The following HCK variants were observed in gnomAD, a reference collection of about 807,000 sequenced individuals.
The protein encoded by HCK is HCK proto-oncogene, Src family tyrosine kinase.
A neutral mutation model predicts 70.4 loss-of-function variants in HCK; 40 were observed. The observed-to-expected ratio is 0.57, with a 90% CI of 0.44 to 0.74. The LOEUF (loss-of-function observed/expected upper bound fraction) is 0.74. HCK is among the 30% of genes least tolerant of loss of function. The pLI, the probability that HCK is intolerant of heterozygous loss-of-function variation, is 0.00. For missense variants in HCK, 568 were observed against 697.2 expected (o/e 0.81, Z 2.09); for synonymous variants, 245 against 263.2 (o/e 0.93, Z 0.67).
At chr20:32,069,347 G>A (rs761611372) in intron 1 of HCK, among the ~76,000 whole-genome samples, 9 of 152,182 alleles carry the variant, frequency 5.9e-5, no homozygotes, top group Non-Finnish European at 7.3e-5. Flanking sequence ...GGTGCTCAAC[G>A]CGCATGGATT....
chr20:32,064,237 A>C (rs999480120), intron 1 of HCK, among the ~76,000 whole-genome samples: 1 of 151,578 alleles, frequency 6.6e-6, no homozygotes, highest in Non-Finnish European at 1.5e-5. Context: ...CTGGTGATCC[A>C]CCTGCCTCTG....
chr20:32,101,258 C>A, intron 12 of HCK, 59 bp from the exon 13 acceptor site: 1 of 1,509,412 alleles, frequency 6.6e-7, no homozygotes, highest in Non-Finnish European at 9.1e-7. Flanking sequence ...CAGGGCCTGC[C>A]ACCCCTGGGC....
Position 32,101,694 on chromosome 20 carries a change from C to G in HCK, c.*175C>G, listed in dbSNP as rs923331201. 1.9e-5 allele frequency: 10 copies of G among 521,346 alleles called. No homozygotes were observed. Among genetic ancestry groups the G allele is most frequent in the South Asian group, 1.3e-4 (4 of 31,882 alleles). The allele number at this position is 521,346 out of a possible 1,614,324, so 32.3% of individuals were successfully genotyped here. On this transcript the variant is annotated 3_prime_UTR_variant, in exon 13 of 13. Coordinates refer to ENST00000375852, the MANE Select transcript of HCK (RefSeq NM_002110.5). ...TGGACTGGAAAATCTCTTTTTGACTCTTGCAATCCACAATCTGACATTCTC... is the reference window on the plus strand; with the variant it reads ...TGGACTGGAAAATCTCTTTTTGACTGTTGCAATCCACAATCTGACATTCTC...
At chr20:32,089,031 T>C (rs187372607) in intron 10 of HCK, among the ~76,000 whole-genome samples, 2 of 152,358 alleles carry the variant, frequency 1.3e-5, no homozygotes, top group East Asian at 3.9e-4. Flanking sequence ...GTCCAAGACA[T>C]GGCTCAGCCT....
chr20:32,055,766 A>G (rs866028340), intron 1 of HCK, among the ~76,000 whole-genome samples: 1 of 152,230 alleles, frequency 6.6e-6, no homozygotes, highest in South Asian at 2.1e-4. Context: ...ACTACCTGTC[A>G]GTAGCTCCTA....
intron 1 of HCK, among the ~76,000 whole-genome samples, chr20:32,058,007 G>A (rs932818313): frequency 1.3e-5 from 2 of 152,248 alleles, no homozygotes; most frequent in African/African-American, 2.4e-5. Flanking sequence ...CTCTCCCTTC[G>A]AGTCACCTCC....
intron 4 of HCK, 88 bp from the exon 5 acceptor site, chr20:32,074,535 G>T: frequency 1.1e-6 from 1 of 927,808 alleles, no homozygotes; most frequent in Non-Finnish European, 1.8e-6. Flanking sequence ...TGGAGGCAGG[G>T]AGTTTTCTAG....
chr20:32,056,808 C>T (rs2122453434), intron 1 of HCK, among the ~76,000 whole-genome samples: 1 of 152,242 alleles, frequency 6.6e-6, no homozygotes, highest in Admixed American at 6.5e-5. Context: ...ACTTTAAACT[C>T]TTCTAGAAAG....
At chr20:32,078,682 C>T (rs2045663457) in intron 5 of HCK, among the ~76,000 whole-genome samples, 1 of 151,722 alleles carries the variant, frequency 6.6e-6, no homozygotes, top group African/African-American at 2.4e-5. Context: ...CATGGTAAAA[C>T]CCCGTCTCTA....
intron 1 of HCK, among the ~76,000 whole-genome samples, chr20:32,060,070 T>C (rs541822765): frequency 1.3e-5 from 2 of 152,050 alleles, no homozygotes; most frequent in Non-Finnish European, 2.9e-5. Context: ...GTGGCCCTGG[T>C]GGTGAACTGG....
At chr20:32,075,681 G>T (rs2045611937) in intron 5 of HCK, among the ~76,000 whole-genome samples, 1 of 151,040 alleles carries the variant, frequency 6.6e-6, no homozygotes, top group Middle Eastern at 3.2e-3. Context: ...ATATACTTCA[G>T]TCATCCATCC....
intron 5 of HCK, among the ~76,000 whole-genome samples, chr20:32,075,264 C>T (rs2045605102): frequency 2.6e-5 from 4 of 152,090 alleles, no homozygotes; most frequent in African/African-American, 9.7e-5. Context: ...ACCATCACAG[C>T]TCACTTCAGC....
At chr20:32,093,764 C>T (rs192624958) in intron 10 of HCK, 99 bp from the exon 11 acceptor site, 13 of 1,153,324 alleles carry the variant, frequency 1.1e-5, no homozygotes, top group African/African-American at 3.1e-5. Context: ...GCAGACATTT[C>T]GCATTTTCTT....
At chr20:32,077,904 C>T (rs917951665) in intron 5 of HCK, among the ~76,000 whole-genome samples, 1 of 152,168 alleles carries the variant, frequency 6.6e-6, no homozygotes, top group Admixed American at 6.5e-5. Context: ...ATACAGTGGT[C>T]ACTTAAGTTG....
At position 32,101,340 on chromosome 20, in the gene HCK, C is replaced by T. The variant is rs1424275200; in HGVS notation, c.1402C>T (p.Arg468Ter). The change falls in exon 13 of 13, where the codon CGA becomes TGA. Residue 468 changes from arginine (R) to a stop codon, truncating the protein, a stop_gained. Coordinates refer to ENST00000375852, the MANE Select transcript of HCK (RefSeq NM_002110.5). LOFTEE classifies it high-confidence loss of function. ...AGGGATGTCAAACCCTGAAGTGATC[C>T]GAGCTCTGGAGCGTGGATACCGGAT... is the stretch of plus-strand genomic sequence containing the variant. The T allele has an allele frequency of 3.1e-6, 5 of 1,613,982 alleles. No homozygotes were observed. The highest frequency in any genetic ancestry group is 3.4e-6 in the Non-Finnish European group (4 of 1,180,004).
At chr20:32,058,203 C>T (rs2045302464) in intron 1 of HCK, among the ~76,000 whole-genome samples, 1 of 140,996 alleles carries the variant, frequency 7.1e-6, no homozygotes, top group African/African-American at 2.7e-5. Context: ...CAAATCTCTT[C>T]CCTTTCTGAG....
chr20:32,071,728 C>A lies in HCK; in HGVS notation c.129C>A (p.Ser43Arg). Reference sequence around the variant, plus strand: ...ATACATTCTCAAAAACTGAAACCAGCGCCAGCCCACACTGTCCTGTGTACG... The same window carrying A: ...ATACATTCTCAAAAACTGAAACCAGAGCCAGCCCACACTGTCCTGTGTACG... The change falls in exon 2 of 13, where the codon AGC becomes AGA. Residue 43 changes from serine (S) to arginine (R), a missense_variant. By Grantham distance (110) the Ser-to-Arg change is moderately radical. Transcript: ENST00000375852. The A allele has an allele frequency of 6.2e-7, 1 of 1,614,180 alleles. No individual in the cohort carries two copies. The highest frequency in any genetic ancestry group is 8.5e-7 in the Non-Finnish European group (1 of 1,180,014).
rs2045682787 is a variant in HCK, at chr20:32,079,807, A to G, written c.462A>G (p.Ala154=). The G allele has an allele frequency of 3.1e-6, 5 of 1,614,162 alleles. No individual in the cohort carries two copies. The highest frequency in any genetic ancestry group is 4.2e-6 in the Non-Finnish European group (5 of 1,180,006). The change falls in exon 6 of 13, where the codon GCA becomes GCG. Residue 154 remains alanine (A), a synonymous_variant. Transcript: ENST00000375852. ...TCAAGGGCATCAGCCGGAAGGACGC[A>G]GAGCGCCAACTGCTGGCTCCCGGCA...
intron 6 of HCK, among the ~76,000 whole-genome samples, chr20:32,080,661 CTTTTCTTTCTGT>C (rs961239385): frequency 1.3e-5 from 2 of 152,092 alleles, no homozygotes; most frequent in Non-Finnish European, 2.9e-5. Context: ...GCTGACTAAT[CTTTTCTTTCTGT>C]TTTTCTTTCT....
Sources: allele counts gnomAD v4.1 joint callset (sites outside exome capture counted in the v4.1 genomes callset), GRCh38; gene constraint gnomAD v4.1.1; transcripts MANE v1.5; gene names NCBI Gene and HGNC (gene_info 2026-07-23, HGNC 2026-07-21).